Variants in MPV17 observed in about 807,000 individuals in gnomAD.
MPV17 encodes the protein MPV17, mitochondrial inner membrane protein.
In MPV17, 31 loss-of-function variants were observed where a neutral mutation model predicts 28.6. The ratio of observed to expected loss-of-function variants is 1.08; its 90% confidence interval spans 0.81 to 1.46. MPV17 has a LOEUF of 1.46. Among genes scored for constraint, MPV17 ranks in the 40% most tolerant of loss-of-function variants. The pLI is 0.00. For missense variants in MPV17, 198 were observed against 216.2 expected, an observed-to-expected ratio of 0.92 and a Z score of 0.53; for synonymous variants, 87 against 85.3, an observed-to-expected ratio of 1.02 and a Z score of -0.11.
intron 7 of MPV17, chr2:27,311,529 G>A (rs1679438405): frequency 6.9e-7 from 1 of 1,446,386 alleles, no homozygotes; most frequent in African/African-American, 1.4e-5. Flanking sequence ...TCTTTATTGT[G>A]AGTGTCTGAC....
Position 27,317,735 on chromosome 2 carries a change from C to T in MPV17, c.71-4626G>A, listed in dbSNP as rs767724098. ...CGAGTAGACTAAGATGGATGAAGCT[C>T]GGCCCTGGGCCCACTGGAGAGTGGA... On this transcript the variant is annotated intron_variant, in intron 2 of 7. Coordinates refer to ENST00000380044, the MANE Select transcript of MPV17 (RefSeq NM_002437.5). The surrounding 1 kb of genome is among the most constrained non-coding windows in gnomAD (Gnocchi z 4.0). Among the ~76,000 whole-genome samples, 6 of 152,204 alleles carry T rather than the reference C, an allele frequency of 3.9e-5. No homozygotes were observed. The highest frequency in any genetic ancestry group is 5.9e-5 in the Non-Finnish European group (4 of 68,040).
Position 27,313,098 on chromosome 2 carries a change from C to A in MPV17, c.82G>T (p.Gly28Cys). Residue 28 changes from glycine (G) to cysteine (C), a missense_variant, in exon 3 of 8, where the codon GGC becomes TGC. Gly to Cys is a radical substitution (Grantham distance 159, BLOSUM62 -3). Coordinates refer to ENST00000380044, the MANE Select transcript of MPV17 (RefSeq NM_002437.5). The stretch of plus-strand genomic sequence containing the variant: ...TGCTGTGAGATAATGTCACCCAGGC[C>A]CATCAGGGACCCTATGCAGGGTACA... The part of the protein sequence containing the change: ...VQVLTAGSLM[G>C]LGDIISQQLV... 2 of 1,614,146 alleles carry A rather than the reference C, an allele frequency of 1.2e-6. No individual in the cohort carries two copies. The highest frequency in any genetic ancestry group is 1.7e-6 in the Non-Finnish European group (2 of 1,180,032).
intron 2 of MPV17, chr2:27,316,001 G>A: frequency 1.3e-6 from 2 of 1,538,668 alleles, no homozygotes; most frequent in South Asian, 1.2e-5. Flanking sequence ...GGGCTCAGAG[G>A]TCAGTGGCAC....
At chr2:27,322,790 C>A (rs1347365399) in intron 1 of MPV17, among the ~76,000 whole-genome samples, 1 of 152,226 alleles carries the variant, frequency 6.6e-6, no homozygotes, top group African/African-American at 2.4e-5. Flanking sequence ...AGCCAGACCA[C>A]CTGGAAGCCT....
At chr2:27,315,936 G>C (rs1280833583) in intron 2 of MPV17, 3 of 1,451,568 alleles carry the variant, frequency 2.1e-6, no homozygotes, top group Non-Finnish European at 1.8e-6. Flanking sequence ...CTGAACCCAG[G>C]CCTTCTCTCA....
rs1364884642 is a variant in MPV17 at position 27,312,258 on chromosome 2, G to C, written c.376-12C>G. On this transcript the variant is annotated splice_polypyrimidine_tract_variant and intron_variant, in intron 5 of 7. Transcript: ENST00000380044. The stretch of plus-strand genomic sequence containing the variant: ...GCATCAGGATAATCCTGGGGAGACA[G>C]AGAAGGAACAAATTAACACTTGCGC... The C allele has an allele frequency of 6.2e-7, 1 of 1,613,994 alleles. No homozygotes were observed. Among genetic ancestry groups the C allele is most frequent in the Admixed American group, 1.7e-5 (1 of 60,032 alleles).
At chr2:27,319,642 A>G (rs541716639) in intron 2 of MPV17, among the ~76,000 whole-genome samples, 15 of 151,456 alleles carry the variant, frequency 9.9e-5, no homozygotes, top group Admixed American at 3.9e-4. Context: ...AAACATTTCC[A>G]GGTGGGGCCT....
chr2:27,309,920 G>T lies in MPV17; in HGVS notation c.523C>A (p.Arg175=), dbSNP rs374686068. ...WNSYLSWKAH[R]L ...GATGGAGTGAGGCAGGCTTAGAGCC[G>T]ATGTGCCTTCCAGGACAGGTAGGAG... Residue 175 remains arginine, a synonymous_variant, in exon 8 of 8, where the codon CGG becomes AGG. Transcript: ENST00000380044. 6.2e-7 allele frequency: 1 copy of T among 1,613,718 alleles called. No homozygotes were observed. Among genetic ancestry groups the T allele is most frequent in the South Asian group, 1.1e-5 (1 of 91,052 alleles).
chr2:27,319,603 T>C (rs1324031380), intron 2 of MPV17, among the ~76,000 whole-genome samples: 1 of 150,660 alleles, frequency 6.6e-6, no homozygotes, highest in East Asian at 2.0e-4. Flanking sequence ...AACCAACCTG[T>C]TGAGTCTTTA....
chr2:27,318,333 C>T (rs2148221381), intron 2 of MPV17, among the ~76,000 whole-genome samples: 1 of 125,058 alleles, frequency 8.0e-6, no homozygotes, highest in East Asian at 2.4e-4. Flanking sequence ...TCCCAAAGCG[C>T]AGGGATTACA....
At chr2:27,320,992 G>A (rs1464441699) in intron 2 of MPV17, among the ~76,000 whole-genome samples, 1 of 152,210 alleles carries the variant, frequency 6.6e-6, no homozygotes, top group African/African-American at 2.4e-5. Flanking sequence ...ATAGCCTCAG[G>A]AAGACTGAGG....
rs996701506 is a variant in MPV17, at chr2:27,318,357, C to A, written c.70+4091G>T. 2.7e-5 allele frequency among the ~76,000 whole-genome samples: 4 copies of A among 147,830 alleles called. No individual in the cohort carries two copies. In the East Asian group the frequency reaches 8.0e-4, roughly 30 times the overall value. The stretch of plus-strand genomic sequence containing the variant: ...GCAGGGATTACAGGCGTGAGCACTG[C>A]GCCCGGCCTTTTTTTTTTCAGATGG... On this transcript the variant is annotated intron_variant, in intron 2 of 7. Coordinates refer to ENST00000380044, the MANE Select transcript of MPV17 (RefSeq NM_002437.5).
chr2:27,314,141 A>G (rs1022209290), intron 2 of MPV17, among the ~76,000 whole-genome samples: 8 of 152,156 alleles, frequency 5.3e-5, no homozygotes, highest in African/African-American at 1.9e-4. Flanking sequence ...CCTGGGCAAT[A>G]TAGCAAGACC....
chr2:27,321,413 C>T (rs1238076980), intron 2 of MPV17, among the ~76,000 whole-genome samples: 9 of 152,190 alleles, frequency 5.9e-5, no homozygotes, highest in African/African-American at 1.7e-4. Flanking sequence ...GTTTCTGTGC[C>T]GATGCAGGGC....
At chr2:27,313,189 C>T (rs778938839) in intron 2 of MPV17, 80 bp from the exon 3 acceptor site, 428 of 1,606,558 alleles carry the variant, frequency 2.7e-4, no homozygotes, top group Non-Finnish European at 3.5e-4. Context: ...ATCTGCTGAC[C>T]TCCACTGAGG....
At chr2:27,311,802 G>A (rs959119347) in intron 7 of MPV17, 97 bp downstream of exon 7, 1 of 1,573,524 alleles carries the variant, frequency 6.4e-7, no homozygotes, top group Non-Finnish European at 8.6e-7. Context: ...TCCGTTTGGG[G>A]GTCTAAGGTA....
chr2:27,321,757 C>G (rs1679867961), intron 2 of MPV17, among the ~76,000 whole-genome samples: 2 of 152,086 alleles, frequency 1.3e-5, no homozygotes, highest in African/African-American at 4.8e-5. Context: ...TCTGATCACT[C>G]CAAATGGATC....
chr2:27,315,531 G>A (rs976109743), intron 2 of MPV17, among the ~76,000 whole-genome samples: 2 of 152,182 alleles, frequency 1.3e-5, no homozygotes, highest in African/African-American at 4.8e-5. Context: ...CTGGGAGGTA[G>A]GTGGTCACAC....
chr2:27,317,800 T>G lies in MPV17; in HGVS notation c.70+4648A>C, dbSNP rs990356817. ...AGGAAGGGATAAGGCTGACTCACAC[T>G]CCATAGAACATACAGTAAACCTTTC... On this transcript the variant is annotated intron_variant, in intron 2 of 7. Coordinates refer to ENST00000380044, the MANE Select transcript of MPV17 (RefSeq NM_002437.5). The surrounding 1 kb of genome is among the most constrained non-coding windows in gnomAD (Gnocchi z 4.0). Among the ~76,000 whole-genome samples, 1 of 152,214 alleles carries G rather than the reference T, an allele frequency of 6.6e-6. No individual in the cohort carries two copies. Among genetic ancestry groups the G allele is most frequent in the African/African-American group, 2.4e-5 (1 of 41,464 alleles).
Sources: allele counts gnomAD v4.1 joint callset (sites outside exome capture counted in the v4.1 genomes callset), GRCh38; gene constraint gnomAD v4.1.1; non-coding constraint Gnocchi (gnomAD v3.1); transcripts MANE v1.5; gene names NCBI Gene and HGNC (gene_info 2026-07-23, HGNC 2026-07-21).